Variants in BICDL1 observed in about 807,000 individuals in gnomAD.
BICDL1 encodes the protein BICD family like cargo adaptor 1.
BICDL1 carries 20 observed loss-of-function variants against 76.8 expected under a neutral mutation model. The observed-to-expected ratio is 0.26, with a 90% CI of 0.18 to 0.38. The LOEUF (loss-of-function observed/expected upper bound fraction) is 0.38. BICDL1 is among the 10% of genes least tolerant of loss of function. The pLI, the probability that BICDL1 is intolerant of heterozygous loss-of-function variation, is 1.00. For synonymous variants in BICDL1, 383 were observed against 337.1 expected (o/e 1.14, Z -1.49); for missense variants, 700 against 798.6 (o/e 0.88, Z 1.49).
At chr12:120,039,536 G>T (rs908241035) in intron 2 of BICDL1, among the ~76,000 whole-genome samples, 2 of 148,564 alleles carry the variant, frequency 1.3e-5, no homozygotes, top group Non-Finnish European at 3.0e-5. Flanking sequence ...TACTCAGGAG[G>T]CTGAGGCAGG....
chr12:120,055,839 A>G (rs2138871789), intron 2 of BICDL1, among the ~76,000 whole-genome samples: 1 of 152,368 alleles, frequency 6.6e-6, no homozygotes, highest in South Asian at 2.1e-4. Context: ...AGGGATATAA[A>G]TTGATGCAAC....
chr12:120,009,684 A>G (rs770832915), intron 2 of BICDL1, among the ~76,000 whole-genome samples: 2 of 152,180 alleles, frequency 1.3e-5, no homozygotes, highest in Non-Finnish European at 2.9e-5. Flanking sequence ...AGATGGTAGG[A>G]AGGTTGGAGT....
At chr12:120,065,748 G>C (rs10849737) in intron 4 of BICDL1, among the ~76,000 whole-genome samples, 1 of 152,182 alleles carries the variant, frequency 6.6e-6, no homozygotes, top group Non-Finnish European at 1.5e-5. Flanking sequence ...ATCTCTGCCC[G>C]AAGGCTAGGC....
rs902558319 is a variant in BICDL1, at chr12:119,998,646, G to C, written c.555G>C (p.Gln185His). Reference protein sequence around the residue: ...KQLQDELERQQIHLREADREK... With the variant: ...KQLQDELERQHIHLREADREK... ...TACAGGATGAGTTGGAGAGGCAGCAGATTCATCTGCGGGAAGCAGATCGAG... is the reference window on the plus strand; with the variant it reads ...TACAGGATGAGTTGGAGAGGCAGCACATTCATCTGCGGGAAGCAGATCGAG... Residue 185 changes from glutamine to histidine, a missense_variant, in exon 2 of 10, where the codon CAG becomes CAC. Gln to His is a conservative substitution (Grantham distance 24). Coordinates refer to ENST00000548673, the MANE Select transcript of BICDL1 (RefSeq NM_001367886.1). The C allele has an allele frequency of 1.2e-6, 2 of 1,614,128 alleles. No homozygotes were observed. The highest frequency in any genetic ancestry group is 1.7e-6 in the Non-Finnish European group (2 of 1,180,018).
chr12:120,009,233 G>A (rs186661520), intron 2 of BICDL1, among the ~76,000 whole-genome samples: 3 of 152,062 alleles, frequency 2.0e-5, no homozygotes, highest in South Asian at 2.1e-4. Context: ...TGATCCGCCC[G>A]CCTCGGCCTC....
chr12:120,088,557 A>G (rs1012037524), intron 8 of BICDL1, among the ~76,000 whole-genome samples: 25 of 146,678 alleles, frequency 1.7e-4, no homozygotes, highest in Middle Eastern at 4.0e-3. Context: ...GGTTTTCGCC[A>G]TGTTGGCCAG....
chr12:119,996,681 TACACAC>T (rs10545057), intron 1 of BICDL1, among the ~76,000 whole-genome samples: 20,007 of 150,044 alleles, frequency 0.13, 1,621 homozygotes, highest in East Asian at 0.41. Context: ...CATATACAGA[TACACAC>T]ACACACACAC....
Position 120,094,045 on chromosome 12 carries a change from T to A in BICDL1, c.*884T>A, listed in dbSNP as rs145671221. 66 of 380,712 alleles carry A rather than the reference T, an allele frequency of 1.7e-4. No homozygotes were observed. The East Asian group carries it at 4.4e-3, about 25-fold the overall frequency. 23.6% of individuals were successfully genotyped at this position (380,712 alleles called of 1,614,324 possible). A position where few individuals can be genotyped will look rare whatever the true frequency, so the allele number is the denominator to read the frequency against. ...AGGCCACTGAATGGCACCAGAGGGG[T>A]CTGTGGTCAGCCACCCCACCTTGAG... On this transcript the variant is annotated 3_prime_UTR_variant, in exon 10 of 10. Transcript: ENST00000548673.
chr12:120,062,487 T>C (rs1953127027), intron 3 of BICDL1, among the ~76,000 whole-genome samples: 1 of 152,030 alleles, frequency 6.6e-6, no homozygotes, highest in African/African-American at 2.4e-5. Flanking sequence ...TAGCCAAGTA[T>C]CTGGCTAAAG....
At chr12:120,051,273 C>G (rs1252966638) in intron 2 of BICDL1, among the ~76,000 whole-genome samples, 1 of 151,806 alleles carries the variant, frequency 6.6e-6, no homozygotes, top group East Asian at 2.0e-4. Context: ...GTCTCAAAAT[C>G]CTGACTTCGT....
At chr12:120,070,645 T>A (rs2138939439) in intron 4 of BICDL1, among the ~76,000 whole-genome samples, 1 of 152,284 alleles carries the variant, frequency 6.6e-6, no homozygotes, top group African/African-American at 2.4e-5. Context: ...TCACTTGTCT[T>A]ATAAACGTCC....
In BICDL1 at chr12:119,990,009, G is replaced by C; in HGVS notation, c.141G>C (p.Gly47=). 2.0e-6 allele frequency: 3 copies of C among 1,489,010 alleles called. No individual in the cohort carries two copies. The highest frequency in any genetic ancestry group is 2.7e-6 in the Non-Finnish European group (3 of 1,131,346). The allele number at this position is 1,489,010 out of a possible 1,614,324, so 92.2% of individuals were successfully genotyped here. A position where few individuals can be genotyped will look rare whatever the true frequency, so the allele number is the denominator to read the frequency against. The change falls in exon 1 of 10, where the codon GGG becomes GGC. Residue 47 remains glycine (G), a synonymous_variant. Coordinates refer to ENST00000548673, the MANE Select transcript of BICDL1 (RefSeq NM_001367886.1). ...CCGCCGCCGCCCTCATCTTCCCCGG[G>C]GGCTCCGGGGAGCTAGAACTGGCGT... is the stretch of plus-strand genomic sequence containing the variant. ...PAAAAALIFP[G]GSGELELALE...
intron 2 of BICDL1, among the ~76,000 whole-genome samples, chr12:120,052,705 A>C (rs1399547843): frequency 1.3e-5 from 2 of 152,194 alleles, no homozygotes; most frequent in African/African-American, 4.8e-5. Flanking sequence ...ACTTTTGCCC[A>C]CAAATTTTAG....
At chr12:119,991,021 G>A (rs192428710) in intron 1 of BICDL1, among the ~76,000 whole-genome samples, 115 of 152,258 alleles carry the variant, frequency 7.6e-4, no homozygotes, top group African/African-American at 2.7e-3. Flanking sequence ...ACCTGTTAAG[G>A]TATCCGTAAT....
At chr12:120,023,576 G>A (rs2138722870) in intron 2 of BICDL1, among the ~76,000 whole-genome samples, 1 of 152,182 alleles carries the variant, frequency 6.6e-6, no homozygotes, top group African/African-American at 2.4e-5. Flanking sequence ...ATAACTTGAG[G>A]TCAGGAGTTC....
intron 2 of BICDL1, among the ~76,000 whole-genome samples, chr12:120,040,751 C>CTTTTTTTTTTTTT (rs57089775): frequency 7.4e-6 from 1 of 134,312 alleles, no homozygotes; most frequent in African/African-American, 3.1e-5. Flanking sequence ...ATAGGAAATA[C>CTTTTTTTTTTTTT]TTTTTTTTTT....
intron 2 of BICDL1, among the ~76,000 whole-genome samples, chr12:120,043,102 T>A (rs189176902): frequency 1.1e-3 from 168 of 152,286 alleles, no homozygotes; most frequent in African/African-American, 3.7e-3. Context: ...AGTTTCTTTA[T>A]CGATGAAATG....
At chr12:120,034,698 T>C (rs1041906519) in intron 2 of BICDL1, among the ~76,000 whole-genome samples, 3 of 152,192 alleles carry the variant, frequency 2.0e-5, no homozygotes, top group African/African-American at 7.2e-5. Flanking sequence ...CAGGCCAGGT[T>C]CTCATCTGGA....
chr12:120,028,948 A>G (rs1255027276), intron 2 of BICDL1, among the ~76,000 whole-genome samples: 1 of 152,214 alleles, frequency 6.6e-6, no homozygotes, highest in African/African-American at 2.4e-5. Flanking sequence ...GGCAGAATCT[A>G]CAGATCCCTT....
Sources: allele counts gnomAD v4.1 joint callset (sites outside exome capture counted in the v4.1 genomes callset), GRCh38; gene constraint gnomAD v4.1.1; transcripts MANE v1.5; gene names NCBI Gene and HGNC (gene_info 2026-07-23, HGNC 2026-07-21).